CDH18: variants seen among roughly 807,000 people sequenced by gnomAD.
CDH18 encodes cadherin-18.
A neutral mutation model predicts 67.9 loss-of-function variants in CDH18; 31 were observed. The observed-to-expected ratio is 0.46, with a 90% CI of 0.34 to 0.62. The LOEUF (loss-of-function observed/expected upper bound fraction) is 0.62. Ranked by LOEUF, CDH18 falls within the 20% of genes least tolerant of loss-of-function variation. The pLI, the probability that CDH18 is intolerant of heterozygous loss-of-function variation, is 0.01. For missense variants in CDH18, 890 were observed against 975.5 expected (o/e 0.91, Z 1.17); for synonymous variants, 362 against 347.2 (o/e 1.04, Z -0.48).
intron 2 of CDH18, among the ~76,000 whole-genome samples, chr5:19,923,706 T>C (rs530389750): frequency 6.6e-6 from 1 of 152,294 alleles, no homozygotes; most frequent in South Asian, 2.1e-4. Context: ...CTAAATAATA[T>C]GTAAACAGAC....
intron 3 of CDH18, among the ~76,000 whole-genome samples, chr5:19,791,363 A>ACG (rs1338291551): frequency 4.7e-5 from 7 of 149,444 alleles, no homozygotes. Flanking sequence ...TTAAACACAC[A>ACG]CACACACACA....
At chr5:20,081,778 C>T (rs985524640) in intron 2 of CDH18, among the ~76,000 whole-genome samples, 3 of 152,032 alleles carry the variant, frequency 2.0e-5, no homozygotes, top group Admixed American at 6.6e-5. Flanking sequence ...AAACAACAGA[C>T]ACTGGGGCCT....
chr5:19,960,871 A>G (rs1378926874), intron 2 of CDH18, among the ~76,000 whole-genome samples: 1 of 150,576 alleles, frequency 6.6e-6, no homozygotes, highest in Non-Finnish European at 1.5e-5. Context: ...ATAACAATAA[A>G]AACTATACTG....
At chr5:19,931,521 A>T (rs1793694262) in intron 2 of CDH18, among the ~76,000 whole-genome samples, 1 of 151,960 alleles carries the variant, frequency 6.6e-6, no homozygotes, top group African/African-American at 2.4e-5. Flanking sequence ...TCTGCTATAA[A>T]TACAAGTACT....
At chr5:19,638,472 C>A (rs373725283) in intron 5 of CDH18, among the ~76,000 whole-genome samples, 1 of 152,040 alleles carries the variant, frequency 6.6e-6, no homozygotes, top group African/African-American at 2.4e-5. Context: ...ATCCTATCTT[C>A]CATAAATATT....
chr5:20,274,301 T>C (rs1745645423), intron 1 of CDH18, among the ~76,000 whole-genome samples: 1 of 152,102 alleles, frequency 6.6e-6, no homozygotes, highest in Admixed American at 6.6e-5. Context: ...TAATACTACT[T>C]AGCAAGTATA....
intron 2 of CDH18, among the ~76,000 whole-genome samples, chr5:19,908,862 C>T (rs970888145): frequency 4.6e-5 from 7 of 152,054 alleles, no homozygotes; most frequent in East Asian, 3.9e-4. Flanking sequence ...AAATCCAAAA[C>T]GGAATAAAAA....
intron 1 of CDH18, among the ~76,000 whole-genome samples, chr5:20,376,115 A>T (rs113547293): frequency 4.3e-4 from 1 of 2,300 alleles, no homozygotes; most frequent in Non-Finnish European, 5.5e-3. Flanking sequence ...TTTTTTTGAG[A>T]CGGAGTCTCC....
intron 5 of CDH18, among the ~76,000 whole-genome samples, chr5:19,672,674 T>C (rs1174714618): frequency 2.6e-5 from 4 of 151,986 alleles, no homozygotes; most frequent in African/African-American, 9.7e-5. Flanking sequence ...ATCAGCTCCA[T>C]AGGAATAGTG....
intron 2 of CDH18, among the ~76,000 whole-genome samples, chr5:20,174,735 T>G (rs1398999502): frequency 6.6e-6 from 1 of 152,140 alleles, no homozygotes; most frequent in Non-Finnish European, 1.5e-5. Flanking sequence ...TCGGTAAATA[T>G]GATCCCATTA....
intron 2 of CDH18, among the ~76,000 whole-genome samples, chr5:19,925,249 G>T (rs1242687964): frequency 6.6e-6 from 1 of 152,144 alleles, no homozygotes; most frequent in Non-Finnish European, 1.5e-5. Context: ...TCAAGCTACA[G>T]TATGTATAAA....
At chr5:20,448,717 A>C (rs966637702) in intron 1 of CDH18, among the ~76,000 whole-genome samples, 3 of 152,142 alleles carry the variant, frequency 2.0e-5, no homozygotes, top group African/African-American at 7.2e-5. Flanking sequence ...CATGGAATCT[A>C]TATCTGACCA....
At chr5:20,301,795 T>C (rs1217384523) in intron 1 of CDH18, among the ~76,000 whole-genome samples, 4 of 34,910 alleles carry the variant, frequency 1.1e-4, no homozygotes, top group Non-Finnish European at 3.7e-4. Context: ...TTTTCTTTTT[T>C]TTTTTTTTTT....
intron 1 of CDH18, among the ~76,000 whole-genome samples, chr5:20,377,637 A>T (rs2150094851): frequency 6.6e-6 from 1 of 152,318 alleles, no homozygotes; most frequent in East Asian, 1.9e-4. Flanking sequence ...TTTGGTACTG[A>T]AGACAAGATG....
chr5:19,896,552 C>T (rs1268714082), intron 2 of CDH18, among the ~76,000 whole-genome samples: 2 of 152,108 alleles, frequency 1.3e-5, no homozygotes, highest in African/African-American at 4.8e-5. Flanking sequence ...AGAACAGATT[C>T]TTCCCTAGAG....
intron 1 of CDH18, among the ~76,000 whole-genome samples, chr5:20,499,564 TC>T (rs1754122761): frequency 6.6e-6 from 1 of 152,108 alleles, no homozygotes; most frequent in South Asian, 2.1e-4. Flanking sequence ...TCCCAACCTG[TC>T]CCCAGACCTT....
intron 8 of CDH18, among the ~76,000 whole-genome samples, chr5:19,557,287 C>G (rs908041961): frequency 2.0e-5 from 3 of 152,056 alleles, no homozygotes; most frequent in Non-Finnish European, 4.4e-5. Context: ...TACCTTACAT[C>G]TCAATACTAA....
intron 5 of CDH18, among the ~76,000 whole-genome samples, chr5:19,699,642 C>CTGTGTG (rs70950085): frequency 3.5e-5 from 5 of 144,394 alleles, no homozygotes; most frequent in South Asian, 2.3e-4. Context: ...GTGTGTGTGT[C>CTGTGTG]TGTGTGTGTG....
chr5:19,558,226 T>C (rs1413288442), intron 8 of CDH18, among the ~76,000 whole-genome samples: 1 of 150,932 alleles, frequency 6.6e-6, no homozygotes, highest in Non-Finnish European at 1.5e-5. Context: ...TAAGGTAACA[T>C]GTCAAGGAAG....
Sources: gnomAD v4.1 joint callset for allele counts (sites outside exome capture counted in the v4.1 genomes callset) on GRCh38, gnomAD v4.1.1 for gene constraint, MANE v1.5 for transcripts, NCBI Gene and HGNC (gene_info 2026-07-23, HGNC 2026-07-21) for gene names.